COA6: variants seen among roughly 807,000 people sequenced by gnomAD.
COA6 encodes the protein cytochrome c oxidase assembly factor 6, also known as cytochrome c oxidase assembly factor 6 homolog.
COA6 carries 12 observed loss-of-function variants against 17.1 expected under a neutral mutation model. The observed-to-expected ratio is 0.70, with a 90% CI of 0.45 to 1.14. COA6 has a LOEUF of 1.14. Ranked by LOEUF, COA6 falls within the 50% of genes most tolerant of loss-of-function variation. The pLI is 0.00. For missense variants in COA6, 246 were observed against 196.5 expected (o/e 1.25, Z -1.51); for synonymous variants, 90 against 73.4 (o/e 1.23, Z -1.16).
intron 2 of COA6, among the ~76,000 whole-genome samples, chr1:234,379,839 G>A (rs969709993): frequency 5.3e-5 from 8 of 152,146 alleles, no homozygotes; most frequent in Non-Finnish European, 1.0e-4. Context: ...AGAACAGCGT[G>A]GGAGAAACTA....
At chr1:234,376,069 C>A (rs561858468) in intron 2 of COA6, among the ~76,000 whole-genome samples, 10 of 152,280 alleles carry the variant, frequency 6.6e-5, no homozygotes, top group South Asian at 2.1e-4. Flanking sequence ...GAAAACTGAT[C>A]AATGTGGGAC....
chr1:234,375,027 C>T (rs570491847), intron 2 of COA6, among the ~76,000 whole-genome samples: 3 of 151,934 alleles, frequency 2.0e-5, no homozygotes, highest in South Asian at 2.1e-4. Flanking sequence ...CGGTGGCTCA[C>T]GCCTGTAATC....
chr1:234,373,512 A>C lies in COA6; in HGVS notation c.46A>C (p.Ser16Arg). 2 of 1,607,328 alleles carry C rather than the reference A, an allele frequency of 1.2e-6. No individual in the cohort carries two copies. The highest frequency in any genetic ancestry group is 1.7e-6 in the Non-Finnish European group (2 of 1,176,868). Residue 16 changes from serine (S) to arginine (R), a missense_variant, in exon 1 of 3, where the codon AGT becomes CGT. Physicochemically the swap from Ser to Arg is moderately radical, Grantham distance 110 (BLOSUM62 -1). Transcript: ENST00000366615. ...AAAGAGTCCGCGGTTTCGCCGCGTG[A>C]GTTGCTTTTTGCGGCTGGGGAGGTC... ...GQKSPRFRRV[S>R]CFLRLGRSTL...
At chr1:234,380,836 C>T (rs1434709924) in intron 2 of COA6, among the ~76,000 whole-genome samples, 2 of 152,206 alleles carry the variant, frequency 1.3e-5, no homozygotes, top group Admixed American at 1.3e-4. Flanking sequence ...CCCATCTCTA[C>T]TAAAAATACG....
intron 2 of COA6, among the ~76,000 whole-genome samples, chr1:234,375,306 T>C (rs1658761475): frequency 6.6e-6 from 1 of 152,116 alleles, no homozygotes; most frequent in Non-Finnish European, 1.5e-5. Context: ...GACGTTGTTA[T>C]TCTCTATCTC....
In COA6 at chr1:234,384,101, A is replaced by G. The variant is rs1214829462; in HGVS notation, c.*283A>G. 2 of 235,334 alleles carry G rather than the reference A, an allele frequency of 8.5e-6. No individual in the cohort carries two copies. Among genetic ancestry groups the G allele is most frequent in the Admixed American group, 1.0e-4 (2 of 19,446 alleles). 14.6% of individuals were successfully genotyped at this position (235,334 alleles called of 1,614,324 possible). A position where few individuals can be genotyped will look rare whatever the true frequency, so the allele number is the denominator to read the frequency against. ...TAATTAGAGGATGGGTAGTAGGCAG[A>G]TGATAAAATTTATAATATACATAGA... On this transcript the variant is annotated 3_prime_UTR_variant, in exon 3 of 3. Coordinates refer to ENST00000366615, the MANE Select transcript of COA6 (RefSeq NM_001206641.3).
chr1:234,383,813 T>C lies in COA6; in HGVS notation c.463T>C (p.Ser155Pro). The C allele has an allele frequency of 6.5e-7, 1 of 1,536,458 alleles. No individual in the cohort carries two copies. The highest frequency in any genetic ancestry group is 8.9e-7 in the Non-Finnish European group (1 of 1,117,820). The stretch of plus-strand genomic sequence containing the variant: ...TGAGCCTTCAGAAACAACTGCAAAA[T>C]CCTAGGCTGTTCATAAAGATTGAAA... ...QFEPSETTAKS is the reference protein window; with the variant it reads ...QFEPSETTAKP The change falls in exon 3 of 3, where the codon TCC becomes CCC. Residue 155 changes from serine (S) to proline (P), a missense_variant. By Grantham distance (74) the Ser-to-Pro change is moderately conservative. Transcript: ENST00000366615.
chr1:234,373,908 G>C (rs1425902036), intron 1 of COA6: 1 of 1,536,784 alleles, frequency 6.5e-7, no homozygotes, highest in Non-Finnish European at 8.8e-7. Flanking sequence ...CGGGCTCGGA[G>C]AGAATAAATG....
At chr1:234,377,502 C>G (rs1034635765) in intron 2 of COA6, among the ~76,000 whole-genome samples, 6 of 152,260 alleles carry the variant, frequency 3.9e-5, no homozygotes, top group Non-Finnish European at 7.4e-5. Flanking sequence ...GTAGGCCTCT[C>G]CTCCCATGCT....
chr1:234,373,921 C>G, intron 1 of COA6: 1 of 1,483,990 alleles, frequency 6.7e-7, no homozygotes, highest in Middle Eastern at 2.4e-4. Flanking sequence ...AATAAATGAG[C>G]TGCCCTAAGC....
At chr1:234,381,589 A>C (rs767924565) in intron 2 of COA6, among the ~76,000 whole-genome samples, 2 of 152,244 alleles carry the variant, frequency 1.3e-5, no homozygotes, top group Non-Finnish European at 2.9e-5. Context: ...TGACCTGATC[A>C]AATTTGGGTT....
chr1:234,378,108 A>T (rs1334439828), intron 2 of COA6, among the ~76,000 whole-genome samples: 3 of 152,182 alleles, frequency 2.0e-5, no homozygotes, highest in Non-Finnish European at 4.4e-5. Context: ...AAGTACATTC[A>T]CGTGTTTTGT....
intron 2 of COA6, among the ~76,000 whole-genome samples, chr1:234,381,588 C>G (rs1053106965): frequency 2.0e-5 from 3 of 152,158 alleles, no homozygotes; most frequent in African/African-American, 7.2e-5. Flanking sequence ...GTGACCTGAT[C>G]AAATTTGGGT....
chr1:234,382,357 A>G (rs1457099142), intron 2 of COA6, among the ~76,000 whole-genome samples: 1 of 152,190 alleles, frequency 6.6e-6, no homozygotes. Flanking sequence ...CAAAAGTGGG[A>G]TGTTTCCTTC....
In COA6 at chr1:234,384,804, C is replaced by G. The variant is rs185287497; in HGVS notation, c.*986C>G. On this transcript the variant is annotated 3_prime_UTR_variant, in exon 3 of 3. Transcript: ENST00000366615. ...AAAATTTAAAAATCCAGTATAACACCTATTTACATTGTATTAGGTATTGTA... is the reference window on the plus strand; with the variant it reads ...AAAATTTAAAAATCCAGTATAACACGTATTTACATTGTATTAGGTATTGTA... Among the ~76,000 whole-genome samples, 1 of 152,162 alleles carries G rather than the reference C, an allele frequency of 6.6e-6. No individual in the cohort carries two copies. Among genetic ancestry groups the G allele is most frequent in the East Asian group, 1.9e-4 (1 of 5,170 alleles).
At position 234,374,125 on chromosome 1, in the gene COA6, T is replaced by G. The variant is rs867291616; in HGVS notation, c.213-105T>G. 5.2e-3 allele frequency: 6,185 copies of G among 1,195,964 alleles called. 111 individuals carry two copies. Among genetic ancestry groups the G allele is most frequent in the African/African-American group, 0.045 (2,926 of 65,016 alleles). The allele number at this position is 1,195,964 out of a possible 1,614,324, so 74.1% of individuals were successfully genotyped here. Reference sequence around the variant, plus strand: ...TGTTTTGTTTTTGTTTTTTTTTTTTTTTTTAGTTTTAAAGGAAGAGGAGAT... The same window carrying G: ...TGTTTTGTTTTTGTTTTTTTTTTTTGTTTTAGTTTTAAAGGAAGAGGAGAT... On this transcript the variant is annotated intron_variant, in intron 1 of 2. Transcript: ENST00000366615.
chr1:234,374,454 T>C, intron 2 of COA6, 65 bp downstream of exon 2: 4 of 1,528,546 alleles, frequency 2.6e-6, no homozygotes, highest in Non-Finnish European at 3.6e-6. Flanking sequence ...CTGTGAGTGG[T>C]AGGCTGACAT....
chr1:234,374,641 C>T (rs1204321687), intron 2 of COA6, among the ~76,000 whole-genome samples: 1 of 152,098 alleles, frequency 6.6e-6, no homozygotes, highest in Non-Finnish European at 1.5e-5. Flanking sequence ...CCAAAAAATT[C>T]CAGTTCATTT....
chr1:234,375,881 C>T (rs1658775729), intron 2 of COA6, among the ~76,000 whole-genome samples: 1 of 152,140 alleles, frequency 6.6e-6, no homozygotes. Context: ...GGCTCGAACT[C>T]CTGGGCTCAA....
Sources: gnomAD v4.1 joint callset for allele counts (sites outside exome capture counted in the v4.1 genomes callset) on GRCh38, gnomAD v4.1.1 for gene constraint, MANE v1.5 for transcripts, NCBI Gene and HGNC (gene_info 2026-07-23, HGNC 2026-07-21) for gene names.